Variants in ARHGAP32 observed in about 807,000 individuals in gnomAD.
ARHGAP32 encodes Rho GTPase activating protein 32, also known as rho GTPase-activating protein 32.
In ARHGAP32, 51 loss-of-function variants were observed where a neutral mutation model predicts 186.5. The ratio of observed to expected loss-of-function variants is 0.27; its 90% confidence interval spans 0.22 to 0.35. The LOEUF is 0.35. Ranked by LOEUF, ARHGAP32 falls within the 10% of genes least tolerant of loss-of-function variation. The pLI, the probability that ARHGAP32 is intolerant of heterozygous loss-of-function variation, is 1.00. For synonymous variants in ARHGAP32, 950 were observed against 964.3 expected, an observed-to-expected ratio of 0.99 and a Z score of 0.27; for missense variants, 2,186 against 2,623.5, an observed-to-expected ratio of 0.83 and a Z score of 3.64.
At chr11:128,986,203 G>C (rs575731282) in intron 14 of ARHGAP32, 118 bp from the exon 15 acceptor site, 31 of 781,566 alleles carry the variant, frequency 4.0e-5, no homozygotes, top group Non-Finnish European at 5.4e-5. Context: ...GTGAAATGGC[G>C]AGGAAACACA....
In ARHGAP32 at chr11:128,969,068, GC is replaced by G; in HGVS notation, c.6144del (p.Gln2048HisfsTer60). 6.2e-7 allele frequency: 1 copy of G among 1,611,488 alleles called. No individual in the cohort carries two copies. Among genetic ancestry groups the G allele is most frequent in the Non-Finnish European group, 8.5e-7 (1 of 1,178,336 alleles). Reference protein sequence around the residue: ...DNLEDYHSLPQHQRGVFGGGG... With the variant: ...DNLEDYHSLPXHQRGVFGGGG... ...CCCCCTCCAAAGACTCCTCGCTGGT[GC>G]TGAGGCAGGGAGTGGTAATCTTCCA... On this transcript the variant is annotated frameshift_variant, in exon 23 of 23. Coordinates refer to ENST00000682385, the MANE Select transcript of ARHGAP32 (RefSeq NM_001378024.1). LOFTEE classifies it high-confidence loss of function. This position sits in a 1 kb window ranked among gnomAD's most constrained non-coding sequence, Gnocchi z 4.8.
At chr11:129,187,526 A>C (rs923554675) in intron 1 of ARHGAP32, among the ~76,000 whole-genome samples, 2 of 151,388 alleles carry the variant, frequency 1.3e-5, no homozygotes, top group African/African-American at 4.9e-5. Context: ...AAAAGAGTAT[A>C]ATTGGATTGT....
intron 11 of ARHGAP32, among the ~76,000 whole-genome samples, chr11:129,032,519 T>C (rs1356503002): frequency 6.6e-6 from 1 of 152,270 alleles, no homozygotes; most frequent in African/African-American, 2.4e-5. Context: ...TATGAATTTA[T>C]AATGGGATTT....
chr11:129,248,456 T>C (rs1945133857), intron 1 of ARHGAP32, among the ~76,000 whole-genome samples: 1 of 152,266 alleles, frequency 6.6e-6, no homozygotes, highest in Admixed American at 6.5e-5. Context: ...TAAGTGAAAA[T>C]CATTCTATGC....
At chr11:129,023,311 C>G (rs750410553) in intron 11 of ARHGAP32, among the ~76,000 whole-genome samples, 2 of 152,082 alleles carry the variant, frequency 1.3e-5, no homozygotes, top group East Asian at 1.9e-4. Context: ...ACCAAAGAGG[C>G]GGGGAAGAAC....
Position 128,985,864 on chromosome 11 carries a change from A to G in ARHGAP32, c.1526+139T>C, listed in dbSNP as rs199922158. On this transcript the variant is annotated intron_variant, in intron 15 of 22. Transcript: ENST00000682385. ...TGTGTGTGTGTGTGTGTGTGTATATATATATATATATATATATATATGAAA... is the reference window on the plus strand; with the variant it reads ...TGTGTGTGTGTGTGTGTGTGTATATGTATATATATATATATATATATGAAA... 6.0e-3 allele frequency: 989 copies of G among 165,110 alleles called. 27 individuals are homozygous for G. Among genetic ancestry groups the G allele is most frequent in the South Asian group, 8.4e-3 (41 of 4,894 alleles). 10.2% of individuals were successfully genotyped at this position (165,110 alleles called of 1,614,324 possible). A position where few individuals can be genotyped will look rare whatever the true frequency, so the allele number is the denominator to read the frequency against.
chr11:129,140,016 G>A (rs1338156264), intron 2 of ARHGAP32, among the ~76,000 whole-genome samples: 2 of 152,052 alleles, frequency 1.3e-5, no homozygotes, highest in African/African-American at 2.4e-5. Flanking sequence ...CAGGTCAGTC[G>A]ATCTTAAAAT....
intron 10 of ARHGAP32, among the ~76,000 whole-genome samples, chr11:129,055,110 T>C (rs539376244): frequency 6.6e-6 from 1 of 152,330 alleles, no homozygotes; most frequent in East Asian, 1.9e-4. Context: ...ATAGCCTCCT[T>C]TAAACATTCA....
chr11:129,181,144 G>T (rs185898824), intron 1 of ARHGAP32, among the ~76,000 whole-genome samples: 1 of 151,976 alleles, frequency 6.6e-6, no homozygotes, highest in Admixed American at 6.6e-5. Context: ...CTATTCTTCC[G>T]ATCGGTTTTT....
At chr11:128,979,627 A>G (rs935894837) in intron 18 of ARHGAP32, among the ~76,000 whole-genome samples, 2 of 152,262 alleles carry the variant, frequency 1.3e-5, no homozygotes, top group Non-Finnish European at 2.9e-5. Context: ...CAAACTCAGG[A>G]TGACAAAGTA....
At chr11:129,218,006 T>C (rs1247574092) in intron 1 of ARHGAP32, among the ~76,000 whole-genome samples, 1 of 152,158 alleles carries the variant, frequency 6.6e-6, no homozygotes, top group Non-Finnish European at 1.5e-5. Context: ...CACAATGGAC[T>C]TAACACAGTA....
intron 2 of ARHGAP32, among the ~76,000 whole-genome samples, chr11:129,163,114 C>G (rs1943563748): frequency 6.6e-6 from 1 of 152,100 alleles, no homozygotes; most frequent in Non-Finnish European, 1.5e-5. Context: ...TAACAGAATT[C>G]TATAAATGCC....
At chr11:129,163,082 G>A (rs1397984567) in intron 2 of ARHGAP32, among the ~76,000 whole-genome samples, 1 of 152,080 alleles carries the variant, frequency 6.6e-6, no homozygotes, top group Non-Finnish European at 1.5e-5. Context: ...CATGCTAAAA[G>A]GCAAATATCA....
intron 2 of ARHGAP32, among the ~76,000 whole-genome samples, chr11:129,153,232 T>C (rs1428464247): frequency 6.6e-6 from 1 of 151,698 alleles, no homozygotes; most frequent in Non-Finnish European, 1.5e-5. Flanking sequence ...AAAAAATCAC[T>C]GATGACACAA....
chr11:129,174,233 C>G (rs147157280), intron 1 of ARHGAP32, among the ~76,000 whole-genome samples: 6 of 152,208 alleles, frequency 3.9e-5, no homozygotes, highest in Admixed American at 3.9e-4. Context: ...GCTTTTCCGA[C>G]GGGCCTAAAA....
At position 129,190,739 on chromosome 11, in the gene ARHGAP32, C is replaced by T. The variant is rs541708385; in HGVS notation, c.116+1344G>A. ...AACTTCCATAATTTGAATACCAGGT[C>T]AAAAAGTTTTATTACAAGCAAAACA... On this transcript the variant is annotated intron_variant, in intron 1 of 22. Transcript: ENST00000682385. Among the ~76,000 whole-genome samples, 3 of 152,196 alleles carry T rather than the reference C, an allele frequency of 2.0e-5. No homozygotes were observed. In the South Asian group the frequency reaches 6.2e-4, roughly 32 times the overall value.
intron 1 of ARHGAP32, among the ~76,000 whole-genome samples, chr11:129,264,456 A>C (rs1945365457): frequency 6.6e-6 from 1 of 152,234 alleles, no homozygotes; most frequent in African/African-American, 2.4e-5. Context: ...TGTGATGATT[A>C]AATCAGATAA....
At chr11:129,035,751 G>A (rs572029602) in intron 11 of ARHGAP32, among the ~76,000 whole-genome samples, 15 of 152,184 alleles carry the variant, frequency 9.9e-5, no homozygotes, top group African/African-American at 3.4e-4. Flanking sequence ...GGCAGAGGCA[G>A]GAGAATTGCT....
rs947345875 is a variant in ARHGAP32, at chr11:129,260,168, G to T, written c.-5+18978C>A. ...AGCATTACACAACTGAAGAGCCATAGTATTTCATTTACACTTCAACCATAA... is the reference window on the plus strand; with the variant it reads ...AGCATTACACAACTGAAGAGCCATATTATTTCATTTACACTTCAACCATAA... On this transcript the variant is annotated intron_variant, in intron 1 of 6. Coordinates refer to the ARHGAP32 transcript ENST00000525234. Among the ~76,000 whole-genome samples, 5 of 152,130 alleles carry T rather than the reference G, an allele frequency of 3.3e-5. No homozygotes were observed. In the East Asian group the frequency reaches 9.6e-4, roughly 29 times the overall value.
Sources: allele counts gnomAD v4.1 joint callset (sites outside exome capture counted in the v4.1 genomes callset), GRCh38; gene constraint gnomAD v4.1.1; non-coding constraint Gnocchi (gnomAD v3.1); transcripts MANE v1.5; gene names NCBI Gene and HGNC (gene_info 2026-07-23, HGNC 2026-07-21).